The following BCAR3 variants were observed in gnomAD, a reference collection of about 807,000 sequenced individuals.
BCAR3 encodes BCAR3 adaptor protein, NSP family member, also known as breast cancer anti-estrogen resistance protein 3.
Under a neutral mutation model 80.1 loss-of-function variants are expected in BCAR3, and 37 were observed. The observed-to-expected ratio is 0.46, with a 90% CI of 0.36 to 0.61. BCAR3 has a LOEUF of 0.61. Ranked by LOEUF, BCAR3 falls within the 20% of genes least tolerant of loss-of-function variation. The probability of loss-of-function intolerance (pLI) is 0.00; values close to 1 mark genes in which losing one functional copy is unlikely to be tolerated. For missense variants in BCAR3, 978 were observed against 1,068.2 expected (o/e 0.92, Z 1.18); for synonymous variants, 389 against 418.9 (o/e 0.93, Z 0.87).
At chr1:93,728,062 C>T (rs1296087247) in intron 2 of BCAR3, among the ~76,000 whole-genome samples, 3 of 152,250 alleles carry the variant, frequency 2.0e-5, no homozygotes, top group African/African-American at 7.2e-5. Flanking sequence ...AGGAAGGATT[C>T]TCCCCTCTAC....
At chr1:93,607,036 A>T (rs1381365889) in intron 3 of BCAR3, among the ~76,000 whole-genome samples, 1 of 149,812 alleles carries the variant, frequency 6.7e-6, no homozygotes, top group African/African-American at 2.4e-5. Flanking sequence ...GTTAACTTAC[A>T]AGTGAGAGTT....
intron 3 of BCAR3, among the ~76,000 whole-genome samples, chr1:93,634,253 T>C (rs1189176441): frequency 6.6e-6 from 1 of 152,228 alleles, no homozygotes; most frequent in Non-Finnish European, 1.5e-5. Flanking sequence ...ATGATATGGT[T>C]TGGCTGTGTC....
chr1:93,583,175 G>A (rs945839394), intron 6 of BCAR3, among the ~76,000 whole-genome samples: 2 of 152,144 alleles, frequency 1.3e-5, no homozygotes, highest in Non-Finnish European at 2.9e-5. Context: ...CACACTCCTG[G>A]GTGCAAATAG....
chr1:93,659,500 G>A lies in BCAR3; in HGVS notation c.317+15114C>T, dbSNP rs535082981. ...GAGACACCATGCCTGGCCAGCAACC[G>A]GCTTTAAGTCTATGAAGATTTTGCA... On this transcript the variant is annotated intron_variant, in intron 2 of 11. Coordinates refer to ENST00000260502, the MANE Select transcript of BCAR3 (RefSeq NM_003567.4). Among the ~76,000 whole-genome samples the A allele has an allele frequency of 5.3e-5, 8 of 151,772 alleles. No individual in the cohort carries two copies. The East Asian group carries it at 5.8e-4, about 11-fold the overall frequency.
At chr1:93,826,986 T>C (rs2100827650) in intron 2 of BCAR3, among the ~76,000 whole-genome samples, 1 of 151,794 alleles carries the variant, frequency 6.6e-6, no homozygotes, top group East Asian at 1.9e-4. Context: ...TAGGAAGAGA[T>C]TGTGGAATAC....
Position 93,592,049 on chromosome 1 carries a change from T to C in BCAR3, c.486+216A>G, listed in dbSNP as rs1294548571. The C allele has an allele frequency of 5.0e-6, 3 of 594,948 alleles. No homozygotes were observed. The highest frequency in any genetic ancestry group is 5.5e-6 in the Non-Finnish European group (2 of 364,550). The allele number at this position is 594,948 out of a possible 1,614,324, so 36.9% of individuals were successfully genotyped here. Reference sequence around the variant, plus strand: ...CAGGAGCGCTGGCTGTCCCTTCACTTCCTGAACATGTGGATGTGTGCTTTG... The same window carrying C: ...CAGGAGCGCTGGCTGTCCCTTCACTCCCTGAACATGTGGATGTGTGCTTTG... On this transcript the variant is annotated intron_variant, in intron 4 of 11. Transcript: ENST00000260502. This position sits in a 1 kb window ranked among gnomAD's most constrained non-coding sequence, Gnocchi z 4.8.
intron 3 of BCAR3, among the ~76,000 whole-genome samples, chr1:93,704,349 G>GA (rs1217909156): frequency 1.3e-5 from 2 of 152,168 alleles, no homozygotes; most frequent in Non-Finnish European, 2.9e-5. Flanking sequence ...GGGGAAAGTA[G>GA]AGACGATGAG....
chr1:93,724,760 G>A (rs962569486), intron 2 of BCAR3, among the ~76,000 whole-genome samples: 6 of 152,230 alleles, frequency 3.9e-5, no homozygotes, highest in African/African-American at 1.4e-4. Flanking sequence ...GGAAGCCGAT[G>A]CAATGTCCTT....
chr1:93,844,047 G>A (rs1295051939), intron 2 of BCAR3, among the ~76,000 whole-genome samples: 2 of 152,172 alleles, frequency 1.3e-5, no homozygotes, highest in Admixed American at 6.5e-5. Context: ...GGCCAGGCAC[G>A]GTAGCTCACG....
At chr1:93,724,712 A>T (rs996977868) in intron 2 of BCAR3, among the ~76,000 whole-genome samples, 1 of 152,068 alleles carries the variant, frequency 6.6e-6, no homozygotes, top group Non-Finnish European at 1.5e-5. Flanking sequence ...CCTTCTCTGG[A>T]TGGGCCACAG....
chr1:93,683,754 G>C (rs186023864), upstream of BCAR3, among the ~76,000 whole-genome samples: 21 of 152,322 alleles, frequency 1.4e-4, no homozygotes, highest in Admixed American at 4.6e-4. Flanking sequence ...TGTTAAAAGT[G>C]AAGACAGTGG....
Position 93,573,615 on chromosome 1 carries a change from A to ATTTGTTTTTTTTTTTTTTTTTTTTTTT in BCAR3, c.1803-1775_1803-1774insAAAAAAAAAAAAAAAAAAAAAAACAAA, listed in dbSNP as rs919862286. 3.1e-5 allele frequency among the ~76,000 whole-genome samples: 4 copies of ATTTGTTTTTTTTTTTTTTTTTTTTTTT among 129,800 alleles called. 2 individuals are homozygous for ATTTGTTTTTTTTTTTTTTTTTTTTTTT. The highest frequency in any genetic ancestry group is 6.0e-5 in the African/African-American group (2 of 33,066). 85.2% of individuals were successfully genotyped at this position (129,800 alleles called of 152,430 possible). On this transcript the variant is annotated intron_variant, in intron 8 of 11. Transcript: ENST00000260502. The stretch of plus-strand genomic sequence containing the variant: ...CATAGACCTAAAATATATTTTTATT[A>ATTTGTTTTTTTTTTTTTTTTTTTTTTT]TTATTATTATTATTATTATTTTTTT...
At chr1:93,813,857 T>A (rs938586488) in intron 2 of BCAR3, among the ~76,000 whole-genome samples, 3 of 152,238 alleles carry the variant, frequency 2.0e-5, no homozygotes, top group African/African-American at 7.2e-5. Flanking sequence ...AGATCAATCA[T>A]TTATTGCATT....
At chr1:93,616,813 G>T (rs543214478) in intron 3 of BCAR3, among the ~76,000 whole-genome samples, 1 of 152,186 alleles carries the variant, frequency 6.6e-6, no homozygotes, top group Non-Finnish European at 1.5e-5. Flanking sequence ...GAGGGGCCCA[G>T]TCAGGCAGCT....
chr1:93,727,181 T>C (rs1427187998), intron 2 of BCAR3, among the ~76,000 whole-genome samples: 4 of 152,228 alleles, frequency 2.6e-5, no homozygotes, highest in African/African-American at 9.6e-5. Flanking sequence ...GGGGATGCTT[T>C]CCTGCAGAGG....
intron 2 of BCAR3, among the ~76,000 whole-genome samples, chr1:93,836,356 T>C (rs1420564258): frequency 6.6e-6 from 1 of 152,224 alleles, no homozygotes. Context: ...GTCCTCCCAA[T>C]TCTTAGTCCT....
chr1:93,629,085 GTAGT>G (rs1475431317), intron 3 of BCAR3, among the ~76,000 whole-genome samples: 2 of 152,180 alleles, frequency 1.3e-5, no homozygotes, highest in East Asian at 3.8e-4. Flanking sequence ...AAAGTTATAT[GTAGT>G]TAGACAGTTT....
At chr1:93,683,467 G>T (rs144900782), upstream of BCAR3, among the ~76,000 whole-genome samples, 1 of 152,250 alleles carries the variant, frequency 6.6e-6, no homozygotes, top group Non-Finnish European at 1.5e-5. Flanking sequence ...ACCCAACAGA[G>T]ATGTATACAC....
intron 2 of BCAR3, among the ~76,000 whole-genome samples, chr1:93,797,044 C>G (rs12134159): frequency 0.14 from 21,522 of 152,058 alleles, 2,484 homozygotes; most frequent in African/African-American, 0.31. Context: ...AGAAGAGGGC[C>G]CATATGTTTT....
Sources: allele counts gnomAD v4.1 joint callset (sites outside exome capture counted in the v4.1 genomes callset), GRCh38; gene constraint gnomAD v4.1.1; non-coding constraint Gnocchi (gnomAD v3.1); transcripts MANE v1.5; gene names NCBI Gene and HGNC (gene_info 2026-07-23, HGNC 2026-07-21).